Variants in CACNA1D observed in about 807,000 individuals in gnomAD.
CACNA1D encodes the protein calcium voltage-gated channel subunit alpha1 D, also known as voltage-dependent L-type calcium channel subunit alpha-1D.
A neutral mutation model predicts 257.1 loss-of-function variants in CACNA1D; 55 were observed. That is an observed-to-expected ratio of 0.21 (90% CI 0.17 to 0.27). The LOEUF (loss-of-function observed/expected upper bound fraction) is 0.27. Among genes scored for constraint, CACNA1D ranks in the 10% least tolerant of loss-of-function variants. The pLI is 1.00. For synonymous variants in CACNA1D, 980 were observed against 1,014.9 expected (o/e 0.97, Z 0.65); for missense variants, 1,876 against 2,784.0 (o/e 0.67, Z 7.34).
At chr3:53,562,076 G>T (rs2092750784) in intron 3 of CACNA1D, among the ~76,000 whole-genome samples, 1 of 152,340 alleles carries the variant, frequency 6.6e-6, no homozygotes, top group East Asian at 1.9e-4. Context: ...ACCACAGTGA[G>T]TAAGCCCCTG....
chr3:53,652,711 CTG>C (rs1462079856), intron 4 of CACNA1D, among the ~76,000 whole-genome samples: 1 of 152,238 alleles, frequency 6.6e-6, no homozygotes, highest in African/African-American at 2.4e-5. Flanking sequence ...GGCTGGCAAA[CTG>C]TGGCCAATGG....
At chr3:53,646,109 G>A (rs1231439056) in intron 3 of CACNA1D, among the ~76,000 whole-genome samples, 1 of 152,216 alleles carries the variant, frequency 6.6e-6, no homozygotes, top group African/African-American at 2.4e-5. Flanking sequence ...GCAAAGACAT[G>A]GAGGTGGGAA....
intron 3 of CACNA1D, among the ~76,000 whole-genome samples, chr3:53,511,918 CTAATG>C (rs1442043886): frequency 1.3e-5 from 2 of 152,042 alleles, no homozygotes; most frequent in African/African-American, 2.4e-5. Context: ...TTATTTTACT[CTAATG>C]TAATTTAAAT....
Position 53,673,199 on chromosome 3 carries a change from A to G in CACNA1D, c.1220+73A>G. 2.0e-6 allele frequency: 2 copies of G among 1,023,900 alleles called. No homozygotes were observed. Among genetic ancestry groups the G allele is most frequent in the Middle Eastern group, 4.1e-4 (2 of 4,938 alleles). 63.4% of individuals were successfully genotyped at this position (1,023,900 alleles called of 1,614,324 possible). ...GCCAAGACCACACAAGCTTTGCTGG[A>G]TGAGGGCCGCCAAGAGGGGTTGCCA... On this transcript the variant is annotated intron_variant, in intron 8 of 47. Transcript: ENST00000350061. This position sits in a 1 kb window ranked among gnomAD's most constrained non-coding sequence, Gnocchi z 4.1.
At chr3:53,718,833 CG>C (rs2094850433) in intron 10 of CACNA1D, 2 of 1,148,876 alleles carry the variant, frequency 1.7e-6, no homozygotes, top group African/African-American at 3.1e-5. Flanking sequence ...GAATGTGCTA[CG>C]TATTTAAGTT....
rs116307453 is a variant in CACNA1D, at chr3:53,557,194, C to T, written c.483+55474C>T. ...TTTTCCTAGAAGTTTTATAGTTTTA[C>T]ATTAAGATCTGTGGTCTATGGCCAG... is the stretch of plus-strand genomic sequence containing the variant. On this transcript the variant is annotated intron_variant, in intron 3 of 47. Transcript: ENST00000350061. Among the ~76,000 whole-genome samples, 1,364 of 152,198 alleles carry T rather than the reference C, an allele frequency of 9.0e-3. 8 individuals are homozygous for T. Among genetic ancestry groups the T allele is most frequent in the Non-Finnish European group, 0.015 (1,043 of 67,998 alleles).
intron 14 of CACNA1D, 62 bp downstream of exon 14, chr3:53,724,061 T>C: frequency 7.8e-6 from 10 of 1,288,104 alleles, no homozygotes; most frequent in Non-Finnish European, 1.0e-5. Flanking sequence ...CTCCTCTGCC[T>C]TCTTGTCTGC....
chr3:53,723,276 C>T lies in CACNA1D; in HGVS notation c.1667-158C>T, dbSNP rs150990618. On this transcript the variant is annotated intron_variant, in intron 12 of 47. Transcript: ENST00000350061. The surrounding 1 kb of genome is among the most constrained non-coding windows in gnomAD (Gnocchi z 5.6). Reference sequence around the variant, plus strand: ...GAACCTGGTGGACAGACTGTCCACGCGAAGGCCACGTTTCTGTCCTGAGTG... The same window carrying T: ...GAACCTGGTGGACAGACTGTCCACGTGAAGGCCACGTTTCTGTCCTGAGTG... Among the ~76,000 whole-genome samples the T allele has an allele frequency of 2.9e-4, 44 of 152,042 alleles. 3 individuals are homozygous for T. The highest frequency in any genetic ancestry group is 1.6e-3 in the East Asian group (8 of 5,150).
rs546777571 is a variant in CACNA1D at position 53,640,603 on chromosome 3, G to A, written c.484-10176G>A. ...GGCACTGACAAGCTGCAAATGATACGAGACAGTGTATCAATAGGTTCACCT... is the reference window on the plus strand; with the variant it reads ...GGCACTGACAAGCTGCAAATGATACAAGACAGTGTATCAATAGGTTCACCT... On this transcript the variant is annotated intron_variant, in intron 3 of 47. Coordinates refer to ENST00000350061, the MANE Select transcript of CACNA1D (RefSeq NM_001128840.3). Among the ~76,000 whole-genome samples the A allele has an allele frequency of 2.0e-5, 3 of 152,310 alleles. No homozygotes were observed. In the South Asian group the frequency reaches 6.2e-4, roughly 32 times the overall value.
chr3:53,681,268 G>A (rs996210914), intron 8 of CACNA1D, among the ~76,000 whole-genome samples: 1 of 152,228 alleles, frequency 6.6e-6, no homozygotes, highest in African/African-American at 2.4e-5. Context: ...TAGATCGGCT[G>A]CTAGAAGAGC....
chr3:53,739,338 A>G (rs1332465023), intron 20 of CACNA1D, among the ~76,000 whole-genome samples: 4 of 152,188 alleles, frequency 2.6e-5, no homozygotes, highest in South Asian at 2.1e-4. Context: ...ACCATAGATC[A>G]TAGTTGTCAT....
chr3:53,781,106 A>G (rs1576646025), intron 38 of CACNA1D, among the ~76,000 whole-genome samples: 1 of 152,334 alleles, frequency 6.6e-6, no homozygotes, highest in East Asian at 1.9e-4. Context: ...TCATATAATA[A>G]AAGGCCAAGG....
At chr3:53,612,065 TA>T (rs1364327278) in intron 3 of CACNA1D, among the ~76,000 whole-genome samples, 1 of 152,202 alleles carries the variant, frequency 6.6e-6, no homozygotes, top group East Asian at 1.9e-4. Flanking sequence ...TCATTTGATT[TA>T]AAAAAATATT....
intron 8 of CACNA1D, among the ~76,000 whole-genome samples, chr3:53,695,944 C>T (rs1438567017): frequency 1.3e-5 from 2 of 152,070 alleles, no homozygotes; most frequent in Non-Finnish European, 2.9e-5. Context: ...GACAGGAAGC[C>T]TGTTTTCGTT....
chr3:53,708,100 A>G (rs955327176), intron 9 of CACNA1D, among the ~76,000 whole-genome samples: 1 of 152,188 alleles, frequency 6.6e-6, no homozygotes, highest in Non-Finnish European at 1.5e-5. Flanking sequence ...TCTCTTTTGC[A>G]TGTGCTACCT....
rs2090289813 is a variant in CACNA1D, at chr3:53,495,127, A to G, written c.-40A>G. 1 of 1,454,582 alleles carries G rather than the reference A, an allele frequency of 6.9e-7. No individual in the cohort carries two copies. The highest frequency in any genetic ancestry group is 1.1e-5 in the South Asian group (1 of 88,082). The allele number at this position is 1,454,582 out of a possible 1,614,324, so 90.1% of individuals were successfully genotyped here. On this transcript the variant is annotated 5_prime_UTR_variant, in exon 1 of 48. Transcript: ENST00000350061. The surrounding 1 kb of genome is among the most constrained non-coding windows in gnomAD (Gnocchi z 5.1). ...CCGCCCCCGCCTCAACGCCCAGCAC[A>G]GTGCCCTGCACACAGTAGTCGCTCA...
intron 8 of CACNA1D, among the ~76,000 whole-genome samples, chr3:53,697,287 A>G (rs138919712): frequency 1.5e-3 from 234 of 152,302 alleles, no homozygotes; most frequent in Non-Finnish European, 2.2e-3. Context: ...TTTCTGTCCT[A>G]TAGGGACATT....
chr3:53,764,793 T>C (rs765362665), intron 30 of CACNA1D, among the ~76,000 whole-genome samples: 4 of 152,222 alleles, frequency 2.6e-5, no homozygotes, highest in Non-Finnish European at 5.9e-5. Flanking sequence ...GCATTTGACA[T>C]TGGGGTATCT....
chr3:53,682,365 TAAA>T (rs3082718), intron 8 of CACNA1D, among the ~76,000 whole-genome samples: 14 of 47,386 alleles, frequency 3.0e-4, no homozygotes, highest in South Asian at 6.6e-4. Context: ...TTGTCTCTGG[TAAA>T]AAAAAAAAAA....
Sources: allele counts gnomAD v4.1 joint callset (sites outside exome capture counted in the v4.1 genomes callset), GRCh38; gene constraint gnomAD v4.1.1; non-coding constraint Gnocchi (gnomAD v3.1); transcripts MANE v1.5; gene names NCBI Gene and HGNC (gene_info 2026-07-23, HGNC 2026-07-21).